ZNF444: variants seen among roughly 807,000 people sequenced by gnomAD.
ZNF444 encodes zinc finger protein 444.
Under a neutral mutation model 14.4 loss-of-function variants are expected in ZNF444, and 8 were observed. The ratio of observed to expected loss-of-function variants is 0.56; its 90% confidence interval spans 0.33 to 1.00. The LOEUF (loss-of-function observed/expected upper bound fraction) is 1.00. ZNF444 is among the 50% of genes least tolerant of loss of function. The pLI is 0.03. For synonymous variants in ZNF444, 258 were observed against 235.9 expected (o/e 1.09, Z -0.86); for missense variants, 510 against 504.8 (o/e 1.01, Z -0.10).
At chr19:56,136,893 G>A (rs946531783), upstream of ZNF444, among the ~76,000 whole-genome samples, 4 of 151,920 alleles carry the variant, frequency 2.6e-5, no homozygotes, top group South Asian at 4.2e-4. Flanking sequence ...TGATTCTCCC[G>A]CCTCAGCCTC....
Position 56,160,291 on chromosome 19 carries a change from C to A in ZNF444, c.*90C>A. The stretch of plus-strand genomic sequence containing the variant: ...CAGCGCCACTTGGCCTCTTCCTCTC[C>A]TCCTTCCCTCCCATCGTCCTCCTCC... On this transcript the variant is annotated 3_prime_UTR_variant, in exon 5 of 5. Transcript: ENST00000337080. The A allele has an allele frequency of 9.5e-7, 1 of 1,056,582 alleles. No individual in the cohort carries two copies. The highest frequency in any genetic ancestry group is 1.3e-6 in the Non-Finnish European group (1 of 787,094). 65.5% of individuals were successfully genotyped at this position (1,056,582 alleles called of 1,614,324 possible). A position where few individuals can be genotyped will look rare whatever the true frequency, so the allele number is the denominator to read the frequency against.
At chr19:56,156,421 C>T (rs1174857683) in intron 3 of ZNF444, 1 of 152,238 alleles carries the variant, frequency 6.6e-6, no homozygotes, top group Non-Finnish European at 1.5e-5. Flanking sequence ...CTCGCAAGGC[C>T]TGTGTGTTCA....
chr19:56,147,338 C>T lies in ZNF444; in HGVS notation c.297+130C>T. 1 of 1,101,262 alleles carries T rather than the reference C, an allele frequency of 9.1e-7. No individual in the cohort carries two copies. The highest frequency in any genetic ancestry group is 1.2e-6 in the Non-Finnish European group (1 of 823,640). The allele number at this position is 1,101,262 out of a possible 1,614,324, so 68.2% of individuals were successfully genotyped here. A position where few individuals can be genotyped will look rare whatever the true frequency, so the allele number is the denominator to read the frequency against. On this transcript the variant is annotated intron_variant, in intron 3 of 4. Transcript: ENST00000337080. The surrounding 1 kb of genome is among the most constrained non-coding windows in gnomAD (Gnocchi z 5.9). ...GACTCGCGGTGGGGAGGCTGCGGTA[C>T]AGGCTGCGGTACAGCGTGGAGGGAC... is the stretch of plus-strand genomic sequence containing the variant.
intron 3 of ZNF444, chr19:56,157,209 C>G (rs972888791): frequency 6.6e-6 from 1 of 152,292 alleles, no homozygotes; most frequent in Admixed American, 6.5e-5. Context: ...GAGCCCATCA[C>G]GGTCCCACAG....
intron 1 of ZNF444, among the ~76,000 whole-genome samples, chr19:56,135,927 A>C (rs1300811487): frequency 6.6e-6 from 1 of 151,486 alleles, no homozygotes; most frequent in Non-Finnish European, 1.5e-5. Flanking sequence ...AAAAATACAA[A>C]AAATATTAGC....
At chr19:56,137,236 C>T (rs895850182), upstream of ZNF444, among the ~76,000 whole-genome samples, 6 of 150,778 alleles carry the variant, frequency 4.0e-5, no homozygotes, top group Middle Eastern at 3.5e-3. Flanking sequence ...TTTGGGAGGC[C>T]GAGGCGGGCG....
At chr19:56,155,016 T>C (rs2031820386) in intron 3 of ZNF444, 1 of 152,298 alleles carries the variant, frequency 6.6e-6, no homozygotes, top group Non-Finnish European at 1.5e-5. Flanking sequence ...TCTCAGAGCC[T>C]TGGCTTCCTC....
At chr19:56,158,816 A>T (rs2032072047) in intron 4 of ZNF444, among the ~76,000 whole-genome samples, 1 of 151,940 alleles carries the variant, frequency 6.6e-6, no homozygotes. Context: ...CCATGCACCC[A>T]TCTAGCCATC....
At chr19:56,138,639 A>C (rs1267456000), upstream of ZNF444, among the ~76,000 whole-genome samples, 1 of 152,092 alleles carries the variant, frequency 6.6e-6, no homozygotes, top group Non-Finnish European at 1.5e-5. Context: ...TCTCAAATAA[A>C]TAAATTACAG....
rs1025351453 is a variant in ZNF444, at chr19:56,159,950, G to C, written c.733G>C (p.Ala245Pro). The C allele has an allele frequency of 2.0e-6, 3 of 1,502,352 alleles. No homozygotes were observed. Among genetic ancestry groups the C allele is most frequent in the East Asian group, 2.7e-5 (1 of 37,144 alleles). The allele number at this position is 1,502,352 out of a possible 1,614,324, so 93.1% of individuals were successfully genotyped here. A position where few individuals can be genotyped will look rare whatever the true frequency, so the allele number is the denominator to read the frequency against. ...CGGGCCCGCGCTGCGCCCTCTGCCC[G>C]CCCGTGAGAAGCCCCACGCGTGCTG... ...SPGPALRPLP[A>P]REKPHACCEC... The change falls in exon 5 of 5, where the codon GCC (alanine) becomes CCC (proline). Residue 245 changes from alanine to proline, a missense_variant. Coordinates refer to ENST00000337080, the MANE Select transcript of ZNF444 (RefSeq NM_018337.4).
intron 2 of ZNF444, 119 bp from the exon 3 acceptor site, chr19:56,146,771 A>G: frequency 1.2e-6 from 1 of 830,154 alleles, no homozygotes. Context: ...TGGGGGAAAG[A>G]GCGAAACTCC....
intron 3 of ZNF444, 83 bp from the exon 4 acceptor site, chr19:56,158,411 C>T: frequency 2.3e-6 from 3 of 1,306,354 alleles, no homozygotes; most frequent in South Asian, 1.5e-5. Flanking sequence ...TGGGATTGCA[C>T]AGCTGGTCGA....
At chr19:56,156,931 A>G (rs1165262166) in intron 3 of ZNF444, 1 of 152,214 alleles carries the variant, frequency 6.6e-6, no homozygotes, top group Non-Finnish European at 1.5e-5. Context: ...TCCCCGAGGA[A>G]TGGGTGGATC....
In ZNF444 at chr19:56,160,512, GCCTC is replaced by G. The variant is rs1286672165; in HGVS notation, c.*316_*319del. ...CCCCTCTTCTCTCTCCTGCGGCCCA[GCCTC>G]CCTCTCCCTCCTCCATTCCTCTCTC... is the stretch of plus-strand genomic sequence containing the variant. On this transcript the variant is annotated 3_prime_UTR_variant, in exon 5 of 5. Transcript: ENST00000337080. 2.9e-6 allele frequency: 1 copy of G among 346,636 alleles called. No individual in the cohort carries two copies. Among genetic ancestry groups the G allele is most frequent in the African/African-American group, 2.2e-5 (1 of 46,492 alleles). The allele number at this position is 346,636 out of a possible 1,614,324, so 21.5% of individuals were successfully genotyped here. A position where few individuals can be genotyped will look rare whatever the true frequency, so the allele number is the denominator to read the frequency against.
intron 3 of ZNF444, among the ~76,000 whole-genome samples, chr19:56,152,431 T>C (rs1737666025): frequency 6.6e-6 from 1 of 151,830 alleles, no homozygotes; most frequent in African/African-American, 2.4e-5. Context: ...ATTTTTTAAC[T>C]GAATGTCTCC....
intron 1 of ZNF444, among the ~76,000 whole-genome samples, chr19:56,134,868 G>A (rs957059017): frequency 3.3e-5 from 5 of 151,834 alleles, no homozygotes; most frequent in Non-Finnish European, 7.4e-5. Context: ...TGTAATCCCA[G>A]CTACTCAGGA....
upstream of ZNF444, among the ~76,000 whole-genome samples, chr19:56,138,792 CTTTTTTTTT>C (rs59273024): frequency 3.2e-5 from 3 of 92,846 alleles, no homozygotes; most frequent in African/African-American, 1.3e-4. Context: ...CTTGAATGTA[CTTTTTTTTT>C]TTTTTTTTTT....
Position 56,146,954 on chromosome 19 carries a change from G to C in ZNF444, c.43G>C (p.Ala15Pro). ...CGTGAAGCAGGAGGCCGAGGGCCTGGCGCTGGACTCCCCGTGGCACCGCTT... is the reference window on the plus strand; with the variant it reads ...CGTGAAGCAGGAGGCCGAGGGCCTGCCGCTGGACTCCCCGTGGCACCGCTT... Reference protein sequence around the residue: ...VPVKQEAEGLALDSPWHRFRR... With the variant: ...VPVKQEAEGLPLDSPWHRFRR... The change falls in exon 3 of 5, where the codon GCG (alanine) becomes CCG (proline). Residue 15 changes from alanine to proline, a missense_variant. Transcript: ENST00000337080. The C allele has an allele frequency of 6.9e-7, 1 of 1,447,636 alleles. No individual in the cohort carries two copies. The highest frequency in any genetic ancestry group is 1.4e-5 in the South Asian group (1 of 70,546). The allele number at this position is 1,447,636 out of a possible 1,614,324, so 89.7% of individuals were successfully genotyped here.
intron 4 of ZNF444, among the ~76,000 whole-genome samples, chr19:56,158,895 C>T (rs949831249): frequency 9.9e-5 from 15 of 151,948 alleles, no homozygotes; most frequent in African/African-American, 3.6e-4. Context: ...CTCTATCATT[C>T]TCCCAGGCAT....
Sources: allele counts gnomAD v4.1 joint callset (sites outside exome capture counted in the v4.1 genomes callset), GRCh38; gene constraint gnomAD v4.1.1; non-coding constraint Gnocchi (gnomAD v3.1); transcripts MANE v1.5; gene names NCBI Gene and HGNC (gene_info 2026-07-23, HGNC 2026-07-21).